PDSS2: variants seen among roughly 807,000 people sequenced by gnomAD.
The protein encoded by PDSS2 is all trans-polyprenyl-diphosphate synthase PDSS2.
Under a neutral mutation model 44.5 loss-of-function variants are expected in PDSS2, and 31 were observed. That is an observed-to-expected ratio of 0.70 (90% CI 0.52 to 0.94). The LOEUF is 0.94. PDSS2 is among the 40% of genes least tolerant of loss of function. The probability of loss-of-function intolerance (pLI) is 0.00; values close to 1 mark genes in which losing one functional copy is unlikely to be tolerated. For synonymous variants in PDSS2, 157 were observed against 180.3 expected, an observed-to-expected ratio of 0.87 and a Z score of 1.03; for missense variants, 452 against 482.2, an observed-to-expected ratio of 0.94 and a Z score of 0.59.
At chr6:107,160,800 G>A (rs1253145433) in intron 7 of PDSS2, among the ~76,000 whole-genome samples, 1 of 151,936 alleles carries the variant, frequency 6.6e-6, no homozygotes, top group Non-Finnish European at 1.5e-5. Flanking sequence ...GAAACAGCTT[G>A]CTGTTTCTTG....
intron 7 of PDSS2, among the ~76,000 whole-genome samples, chr6:107,176,419 CACACACACAT>C (rs1043040420): frequency 1.9e-4 from 15 of 80,228 alleles, no homozygotes; most frequent in African/African-American, 8.6e-4. Context: ...CCTTAACACA[CACACACACAT>C]ACACACACAC....
chr6:107,210,993 CA>C (rs11345405), intron 5 of PDSS2, among the ~76,000 whole-genome samples: 26,936 of 105,620 alleles, frequency 0.26, 2,532 homozygotes, highest in South Asian at 0.32. Flanking sequence ...AACTCCGTCT[CA>C]AAAAAAAAAA....
intron 3 of PDSS2, among the ~76,000 whole-genome samples, chr6:107,249,831 C>T (rs1358204252): frequency 1.3e-5 from 2 of 152,228 alleles, no homozygotes; most frequent in East Asian, 1.9e-4. Flanking sequence ...AATTGTTGAT[C>T]ACTCCCATTT....
chr6:107,221,348 A>G (rs1773600465), intron 4 of PDSS2, among the ~76,000 whole-genome samples: 2 of 93,114 alleles, frequency 2.1e-5, no homozygotes, highest in East Asian at 4.4e-4. Flanking sequence ...TCTCGAAAAA[A>G]AAAAAAAAAA....
intron 7 of PDSS2, among the ~76,000 whole-genome samples, chr6:107,158,692 C>T (rs1771003051): frequency 6.6e-6 from 1 of 152,060 alleles, no homozygotes; most frequent in Non-Finnish European, 1.5e-5. Context: ...AACTCCTATC[C>T]TAGCTTTATA....
At chr6:107,190,403 C>G (rs529707693) in intron 7 of PDSS2, among the ~76,000 whole-genome samples, 1 of 152,180 alleles carries the variant, frequency 6.6e-6, no homozygotes, top group Admixed American at 6.5e-5. Context: ...TCTGTTCACT[C>G]GCTTACTTGC....
intron 7 of PDSS2, among the ~76,000 whole-genome samples, chr6:107,159,656 G>A (rs1280164694): frequency 6.6e-6 from 1 of 151,628 alleles, no homozygotes; most frequent in Non-Finnish European, 1.5e-5. Context: ...CTGACCTTGC[G>A]ATCCACCCAC....
intron 1 of PDSS2, among the ~76,000 whole-genome samples, chr6:107,415,727 T>C (rs538633332): frequency 6.6e-6 from 1 of 152,226 alleles, no homozygotes; most frequent in South Asian, 2.1e-4. Context: ...CAAAAAGATT[T>C]GCATCAACTG....
intron 3 of PDSS2, among the ~76,000 whole-genome samples, chr6:107,269,340 C>CTGTGTGTGTGTGTGTGTGTG (rs58803876): frequency 7.0e-6 from 1 of 143,200 alleles, no homozygotes; most frequent in South Asian, 2.4e-4. Context: ...TTTCGTGTGT[C>CTGTGTGTGTGTGTGTGTGTG]TGTGTGTGTG....
chr6:107,256,105 T>C (rs1425728746), intron 3 of PDSS2, among the ~76,000 whole-genome samples: 2 of 152,072 alleles, frequency 1.3e-5, no homozygotes, highest in East Asian at 1.9e-4. Flanking sequence ...ATTCTCCTGT[T>C]TCAGCCTCCC....
chr6:107,453,836 A>G (rs904343344), intron 1 of PDSS2, among the ~76,000 whole-genome samples: 3 of 152,220 alleles, frequency 2.0e-5, no homozygotes, highest in African/African-American at 7.2e-5. Context: ...CAAATATTAT[A>G]TAACTACTAC....
chr6:107,220,910 T>C (rs192579591), intron 4 of PDSS2, among the ~76,000 whole-genome samples: 113 of 152,246 alleles, frequency 7.4e-4, no homozygotes, highest in African/African-American at 2.6e-3. Flanking sequence ...GCATGCTCTA[T>C]TATAAAGGAA....
intron 1 of PDSS2, among the ~76,000 whole-genome samples, chr6:107,382,699 TG>T (rs1329308035): frequency 6.6e-6 from 1 of 152,032 alleles, no homozygotes; most frequent in East Asian, 1.9e-4. Context: ...TAGCTGGGCA[TG>T]GCAGCACACA....
intron 6 of PDSS2, among the ~76,000 whole-genome samples, chr6:107,209,558 T>C: frequency 7.1e-6 from 1 of 140,372 alleles, no homozygotes. Flanking sequence ...ACTTAGGCTC[T>C]AAGCTTTTTT....
At chr6:107,364,535 C>T (rs1168475063) in intron 1 of PDSS2, among the ~76,000 whole-genome samples, 8 of 152,256 alleles carry the variant, frequency 5.3e-5, no homozygotes, top group East Asian at 1.9e-4. Context: ...CTGGCTGCTC[C>T]GAGTGCGGGG....
At chr6:107,331,644 T>C (rs1451156145) in intron 2 of PDSS2, among the ~76,000 whole-genome samples, 1 of 152,180 alleles carries the variant, frequency 6.6e-6, no homozygotes, top group African/African-American at 2.4e-5. Context: ...AGAAAGAGTA[T>C]ACACTTTGAG....
At chr6:107,207,271 C>T (rs182349907) in intron 6 of PDSS2, among the ~76,000 whole-genome samples, 1 of 152,206 alleles carries the variant, frequency 6.6e-6, no homozygotes, top group Admixed American at 6.5e-5. Context: ...GGATTACAGG[C>T]ATGAGCCACC....
chr6:107,442,918 C>T (rs774041913), intron 1 of PDSS2, among the ~76,000 whole-genome samples: 3 of 152,194 alleles, frequency 2.0e-5, no homozygotes, highest in South Asian at 2.1e-4. Context: ...TAAATCATCT[C>T]GTTGAGACCT....
At chr6:107,297,191 C>T (rs1776535886) in intron 2 of PDSS2, among the ~76,000 whole-genome samples, 1 of 152,140 alleles carries the variant, frequency 6.6e-6, no homozygotes, top group Admixed American at 6.5e-5. Flanking sequence ...ACCAGTGTTT[C>T]CCAGAAAGGC....
Sources: allele counts gnomAD v4.1 joint callset (sites outside exome capture counted in the v4.1 genomes callset), GRCh38; gene constraint gnomAD v4.1.1; transcripts MANE v1.5; gene names NCBI Gene and HGNC (gene_info 2026-07-23, HGNC 2026-07-21).